Variants in FAM234A observed in about 807,000 individuals in gnomAD.
The protein encoded by FAM234A is protein FAM234A.
A neutral mutation model predicts 49.1 loss-of-function variants in FAM234A; 42 were observed. The ratio of observed to expected loss-of-function variants is 0.86; its 90% CI spans 0.67 to 1.11. The LOEUF is 1.11. FAM234A is among the 50% of genes least tolerant of loss of function. FAM234A has a pLI of 0.00. For synonymous variants in FAM234A, 369 were observed against 316.2 expected (o/e 1.17, Z -1.77); for missense variants, 815 against 745.2 (o/e 1.09, Z -1.09).
intron 1 of FAM234A, 80 bp downstream of exon 1, chr16:234,937 C>G (rs1464911326): frequency 6.6e-6 from 1 of 152,334 alleles, no homozygotes; most frequent in Non-Finnish European, 1.5e-5. Context: ...GGACCCCGGC[C>G]CCCAGGTTCC....
intron 3 of FAM234A, 139 bp from the exon 4 acceptor site, chr16:259,344 G>A: frequency 1.5e-6 from 1 of 656,162 alleles, no homozygotes; most frequent in Non-Finnish European, 2.8e-6. Context: ...TCATCCTAGT[G>A]AGGAAGAAGC....
At chr16:258,684 G>A (rs576940321) in intron 3 of FAM234A, among the ~76,000 whole-genome samples, 13 of 152,332 alleles carry the variant, frequency 8.5e-5, no homozygotes, top group African/African-American at 2.6e-4. Context: ...CCTCCCAGAC[G>A]GGGTGGTAGC....
At chr16:238,568 C>A (rs1175662429) in intron 1 of FAM234A, among the ~76,000 whole-genome samples, 2 of 148,078 alleles carry the variant, frequency 1.4e-5, no homozygotes, top group Non-Finnish European at 3.0e-5. Flanking sequence ...AGATCGAGAC[C>A]ATCCTGGCTA....
chr16:267,448 A>G (rs1277778788), downstream of FAM234A, among the ~76,000 whole-genome samples: 2 of 151,980 alleles, frequency 1.3e-5, no homozygotes, highest in South Asian at 2.1e-4. Flanking sequence ...CATGCACAAT[A>G]CATTCACACA....
At chr16:249,204 G>A (rs1567213399) in intron 1 of FAM234A, among the ~76,000 whole-genome samples, 1 of 152,072 alleles carries the variant, frequency 6.6e-6, no homozygotes, top group East Asian at 1.9e-4. Flanking sequence ...GGCTGGCTGT[G>A]GGGGGATGCA....
intron 11 of FAM234A, 143 bp from the exon 12 acceptor site, chr16:264,471 C>G: frequency 1.4e-6 from 1 of 713,438 alleles, no homozygotes; most frequent in Non-Finnish European, 2.3e-6. Context: ...TGGGAGGTGG[C>G]CACAGAACTG....
intron 3 of FAM234A, among the ~76,000 whole-genome samples, chr16:258,062 G>T (rs2051308118): frequency 6.6e-6 from 1 of 151,766 alleles, no homozygotes; most frequent in South Asian, 2.1e-4. Flanking sequence ...CACCGTATTA[G>T]CCAGGCTTGT....
At chr16:259,625 C>T (rs199849226) in intron 4 of FAM234A, 26 bp downstream of exon 4, 424 of 1,375,054 alleles carry the variant, frequency 3.1e-4, no homozygotes, top group Non-Finnish European at 4.1e-4. Context: ...ATGAAAAAGG[C>T]GGAGCTCCCT....
chr16:261,364 G>T lies in FAM234A; in HGVS notation c.578-20G>T. On this transcript the variant is annotated intron_variant, in intron 5 of 12. Transcript: ENST00000399932. ...AAGGGGACTCAGGGCCACGTTCCGT[G>T]ACCGTGTGCTTGATTCTAGGGGAAA... 2 of 1,600,414 alleles carry T rather than the reference G, an allele frequency of 1.2e-6. No homozygotes were observed. The highest frequency in any genetic ancestry group is 2.2e-5 in the South Asian group (2 of 90,750).
chr16:264,131 T>G lies in FAM234A; in HGVS notation c.1304T>G (p.Phe435Cys). Residue 435 changes from phenylalanine (F) to cysteine (C), a missense_variant, in exon 11 of 13, where the codon TTC (phenylalanine) becomes TGC (cysteine). Transcript: ENST00000399932. ...ACCGCAGACCACCGCTCAGCCTTCT[T>G]CTTCTGGGGCCTCCACGAGCTGGGG... The part of the protein sequence containing the change: ...LPTADHRSAF[F>C]FWGLHELGST... The G allele has an allele frequency of 6.2e-7, 1 of 1,609,412 alleles. No individual in the cohort carries two copies. Among genetic ancestry groups the G allele is most frequent in the Non-Finnish European group, 8.5e-7 (1 of 1,179,668 alleles).
At chr16:254,959 G>C (rs1031225609) in intron 3 of FAM234A, among the ~76,000 whole-genome samples, 2 of 152,190 alleles carry the variant, frequency 1.3e-5, no homozygotes, top group African/African-American at 4.8e-5. Context: ...GAGTTCAAGC[G>C]ATTCTCCCGC....
intron 3 of FAM234A, among the ~76,000 whole-genome samples, chr16:256,716 G>T (rs914947962): frequency 3.3e-5 from 5 of 150,252 alleles, no homozygotes; most frequent in African/African-American, 1.2e-4. Context: ...TGGGATTACA[G>T]GCACAGGCTA....
At chr16:269,283 C>T, downstream of FAM234A, 2 of 1,573,074 alleles carry the variant, frequency 1.3e-6, no homozygotes, top group African/African-American at 1.3e-5. Flanking sequence ...GCCACCCCAT[C>T]TCCACCCCCA....
rs562512032 is a variant in FAM234A at position 251,510 on chromosome 16, G to A, written c.-34+1856G>A. Among the ~76,000 whole-genome samples the A allele has an allele frequency of 2.6e-5, 4 of 151,840 alleles. No homozygotes were observed. The South Asian group carries it at 8.3e-4, about 32-fold the overall frequency. On this transcript the variant is annotated intron_variant, in intron 2 of 12. Coordinates refer to ENST00000399932, the MANE Select transcript of FAM234A (RefSeq NM_032039.4). ...CCTACCCCAGCCTCCGGGTAGCTGA[G>A]ACCACGGGCGAGCGCCGCCATACCC... is the stretch of plus-strand genomic sequence containing the variant.
rs143726013 is a variant in FAM234A at position 236,568 on chromosome 16, A to C, written c.-140+1711A>C. ...AACCCGAGAGGCAGAGGTTGCAGTGAGCCGAGATTGCACCACTACGCTCTG... is the reference window on the plus strand; with the variant it reads ...AACCCGAGAGGCAGAGGTTGCAGTGCGCCGAGATTGCACCACTACGCTCTG... On this transcript the variant is annotated intron_variant, in intron 1 of 12. Transcript: ENST00000399932. Among the ~76,000 whole-genome samples, 1,088 of 150,120 alleles carry C rather than the reference A, an allele frequency of 7.2e-3. 15 individuals carry two copies. Among genetic ancestry groups the C allele is most frequent in the African/African-American group, 0.026 (1,044 of 40,760 alleles).
At chr16:242,804 G>T (rs1364660674) in intron 1 of FAM234A, among the ~76,000 whole-genome samples, 1 of 151,792 alleles carries the variant, frequency 6.6e-6, no homozygotes, top group Non-Finnish European at 1.5e-5. Context: ...AGTAGAGATG[G>T]AGTTTCACCA....
downstream of FAM234A, chr16:269,672 G>A: frequency 9.4e-7 from 1 of 1,069,100 alleles, no homozygotes; most frequent in Non-Finnish European, 1.4e-6. Flanking sequence ...AACATTGCTG[G>A]AGCCTCCTCC....
At chr16:242,607 A>G (rs1487130358) in intron 1 of FAM234A, among the ~76,000 whole-genome samples, 4 of 146,082 alleles carry the variant, frequency 2.7e-5, no homozygotes, top group African/African-American at 1.0e-4. Flanking sequence ...TCTTGGTGTC[A>G]GCTCCTTTTT....
chr16:237,666 C>G (rs538810418), intron 1 of FAM234A, among the ~76,000 whole-genome samples: 1 of 151,362 alleles, frequency 6.6e-6, no homozygotes, highest in East Asian at 1.9e-4. Context: ...CAAGTGATCT[C>G]GGAGTGAAAG....
Sources: allele counts gnomAD v4.1 joint callset (sites outside exome capture counted in the v4.1 genomes callset), GRCh38; gene constraint gnomAD v4.1.1; transcripts MANE v1.5; gene names NCBI Gene and HGNC (gene_info 2026-07-23, HGNC 2026-07-21).